YARS1: variants seen among roughly 807,000 people sequenced by gnomAD.
The protein encoded by YARS1 is tyrosine--tRNA ligase, cytoplasmic.
Under a neutral mutation model 62.2 loss-of-function variants are expected in YARS1, and 36 were observed. The ratio of observed to expected loss-of-function variants is 0.58; its 90% CI spans 0.44 to 0.76. The LOEUF (loss-of-function observed/expected upper bound fraction) is 0.76. Ranked by LOEUF, YARS1 falls within the 30% of genes least tolerant of loss-of-function variation. YARS1 has a pLI of 0.00. For synonymous variants in YARS1, 234 were observed against 244.9 expected, an observed-to-expected ratio of 0.96 and a Z score of 0.42; for missense variants, 524 against 639.8, an observed-to-expected ratio of 0.82 and a Z score of 1.95.
At chr1:32,780,962 C>T (rs889486014) in intron 10 of YARS1, 86 bp downstream of exon 10, 2 of 1,240,318 alleles carry the variant, frequency 1.6e-6, no homozygotes, top group East Asian at 2.3e-5. Context: ...ATGTTACTTC[C>T]CATCTCCAGG....
At chr1:32,804,710 G>A (rs1433922695) in intron 4 of YARS1, among the ~76,000 whole-genome samples, 5 of 151,856 alleles carry the variant, frequency 3.3e-5, no homozygotes, top group African/African-American at 1.2e-4. Flanking sequence ...CTTCCCAGAC[G>A]TGATGGCGGC....
At chr1:32,796,966 A>C (rs866957281) in intron 5 of YARS1, among the ~76,000 whole-genome samples, 65 of 6,554 alleles carry the variant, frequency 9.9e-3, no homozygotes, top group African/African-American at 0.034. Context: ...ACTCAGTCTC[A>C]AAAAAAAAAA....
Position 32,775,966 on chromosome 1 carries a change from A to G in YARS1, c.*15T>C. 6.2e-7 allele frequency: 1 copy of G among 1,600,082 alleles called. No individual in the cohort carries two copies. The highest frequency in any genetic ancestry group is 8.6e-7 in the Non-Finnish European group (1 of 1,167,464). ...TGACTCAGTGGTGGAAGAAGGGGGG[A>G]AGATGCTGGGCTGGCTAGCTAATGT... On this transcript the variant is annotated 3_prime_UTR_variant, in exon 13 of 13. Transcript: ENST00000373477.
At chr1:32,799,253 T>C (rs1040762273) in intron 4 of YARS1, among the ~76,000 whole-genome samples, 1 of 152,122 alleles carries the variant, frequency 6.6e-6, no homozygotes, top group Non-Finnish European at 1.5e-5. Context: ...AGGTGGGAAG[T>C]AGTGACTGAT....
chr1:32,792,661 C>T (rs1449336025), intron 5 of YARS1, among the ~76,000 whole-genome samples: 1 of 152,062 alleles, frequency 6.6e-6, no homozygotes, highest in African/African-American at 2.4e-5. Flanking sequence ...GAGGCCGAGG[C>T]AGGCGTCAGG....
chr1:32,785,297 TA>T (rs1444862479), intron 8 of YARS1, among the ~76,000 whole-genome samples: 1 of 151,940 alleles, frequency 6.6e-6, no homozygotes, highest in Non-Finnish European at 1.5e-5. Flanking sequence ...CCGTCTCTAC[TA>T]AAAAATATGA....
chr1:32,782,224 T>C, intron 9 of YARS1, 180 bp downstream of exon 9: 1 of 962,024 alleles, frequency 1.0e-6, no homozygotes, highest in Non-Finnish European at 1.6e-6. Flanking sequence ...CACTTCCTGA[T>C]GTTAACCAAA....
At chr1:32,806,134 A>G (rs1386055271) in intron 4 of YARS1, among the ~76,000 whole-genome samples, 2 of 152,200 alleles carry the variant, frequency 1.3e-5, no homozygotes, top group East Asian at 1.9e-4. Context: ...CACACACAAT[A>G]CTTATTAAGT....
chr1:32,782,236 C>G, intron 9 of YARS1, 168 bp downstream of exon 9: 3 of 1,153,210 alleles, frequency 2.6e-6, no homozygotes, highest in Non-Finnish European at 3.7e-6. Flanking sequence ...TTAACCAAAC[C>G]CAAATCAAAA....
chr1:32,805,221 A>AGGGAAGAG (rs1638426900), intron 4 of YARS1, among the ~76,000 whole-genome samples: 1 of 26,666 alleles, frequency 3.8e-5, no homozygotes, highest in Non-Finnish European at 6.5e-5. Context: ...GACGGTGGAA[A>AGGGAAGAG]GGGGAGAGGG....
At chr1:32,779,296 G>A (rs924970971) in intron 12 of YARS1, 86 bp downstream of exon 12, 13 of 1,606,668 alleles carry the variant, frequency 8.1e-6, no homozygotes, top group Middle Eastern at 1.7e-4. Flanking sequence ...CAACAGAGAG[G>A]GGCAGCTATG....
rs570381204 is a variant in YARS1, at chr1:32,786,665, T to C, written c.821-218A>G. 41 of 698,516 alleles carry C rather than the reference T, an allele frequency of 5.9e-5. No homozygotes were observed. In the South Asian group the frequency reaches 6.8e-4, roughly 12 times the overall value. 43.3% of individuals were successfully genotyped at this position (698,516 alleles called of 1,614,324 possible). ...GGAAGGCTTGTGGCTTATATCTATT[T>C]TGTTGTATTCCTCTAGTTCAACATG... is the stretch of plus-strand genomic sequence containing the variant. On this transcript the variant is annotated intron_variant, in intron 7 of 12. Coordinates refer to ENST00000373477, the MANE Select transcript of YARS1 (RefSeq NM_003680.4).
chr1:32,778,832 G>A (rs548259771), intron 12 of YARS1, among the ~76,000 whole-genome samples: 18 of 148,720 alleles, frequency 1.2e-4, no homozygotes, highest in Admixed American at 8.2e-4. Flanking sequence ...TCTGCCTCCC[G>A]GGTTCAAGTG....
At chr1:32,809,560 T>C (rs1638535716) in intron 3 of YARS1, among the ~76,000 whole-genome samples, 2 of 152,114 alleles carry the variant, frequency 1.3e-5, no homozygotes, top group Admixed American at 6.6e-5. Flanking sequence ...AAAGCCCTAA[T>C]TGTATCAACA....
intron 7 of YARS1, 107 bp downstream of exon 7, chr1:32,786,833 G>T (rs1374237333): frequency 2.8e-6 from 4 of 1,446,748 alleles, no homozygotes; most frequent in Non-Finnish European, 3.8e-6. Context: ...CAGAGAATCA[G>T]GGCAGCCAGT....
At position 32,798,405 on chromosome 1, in the gene YARS1, C is replaced by A. The variant is rs1653672815; in HGVS notation, c.511-562G>T. Reference sequence around the variant, plus strand: ...TGCCCTCAGGATATGCAGAATCCTGCAGGGAGGGAGAGAAGAAGAAAACAA... The same window carrying A: ...TGCCCTCAGGATATGCAGAATCCTGAAGGGAGGGAGAGAAGAAGAAAACAA... On this transcript the variant is annotated intron_variant, in intron 4 of 12. Transcript: ENST00000373477. Among the ~76,000 whole-genome samples the A allele has an allele frequency of 2.6e-5, 4 of 152,266 alleles. No homozygotes were observed. The South Asian group carries it at 8.3e-4, about 32-fold the overall frequency.
intron 6 of YARS1, among the ~76,000 whole-genome samples, chr1:32,789,588 ATT>A (rs11318209): frequency 2.1e-4 from 29 of 136,318 alleles, no homozygotes; most frequent in Admixed American, 1.5e-4. Flanking sequence ...TGGGCCAGGC[ATT>A]TTTTTTTTTT....
chr1:32,777,008 AATACT>A (rs1363506184), intron 12 of YARS1, among the ~76,000 whole-genome samples: 1 of 151,650 alleles, frequency 6.6e-6, no homozygotes, highest in African/African-American at 2.4e-5. Flanking sequence ...ATTATGGTAG[AATACT>A]ATACAGTGCA....
At position 32,779,446 on chromosome 1, in the gene YARS1, C is replaced by A; in HGVS notation, c.1412G>T (p.Gly471Val). 1 of 1,614,128 alleles carries A rather than the reference C, an allele frequency of 6.2e-7. No homozygotes were observed. The highest frequency in any genetic ancestry group is 1.3e-5 in the African/African-American group (1 of 75,064). ...CTCATCTGGTTGGCCCTTTTCATAG[C>A]CCTTCACAAACACGTGCTCACCAGG... ...SAPGEHVFVK[G>V]YEKGQPDEEL... Residue 471 changes from glycine to valine, a missense_variant, in exon 12 of 13, where the codon GGC (glycine) becomes GTC (valine). Gly to Val is a moderately radical substitution (Grantham distance 109). Transcript: ENST00000373477.
Sources: gnomAD v4.1 joint callset for allele counts (sites outside exome capture counted in the v4.1 genomes callset) on GRCh38, gnomAD v4.1.1 for gene constraint, MANE v1.5 for transcripts, NCBI Gene and HGNC (gene_info 2026-07-23, HGNC 2026-07-21) for gene names.